The following FBP2 variants were observed in gnomAD, a reference collection of about 807,000 sequenced individuals.
FBP2 encodes fructose-1,6-bisphosphatase isozyme 2.
FBP2 carries 27 observed loss-of-function variants against 31.6 expected under a neutral mutation model. The ratio of observed to expected loss-of-function variants is 0.85; its 90% CI spans 0.63 to 1.18. FBP2 has a LOEUF of 1.18. Ranked by LOEUF, FBP2 falls within the 50% of genes most tolerant of loss-of-function variation. The pLI is 0.00. For synonymous variants in FBP2, 168 were observed against 179.8 expected (o/e 0.93, Z 0.53); for missense variants, 421 against 436.1 (o/e 0.97, Z 0.31).
rs542728090 is a variant in FBP2, at chr9:94,564,151, A to G, written c.706-690T>C. ...AATGGATCTGTTAGACATCTATAGAACTCTCCACCCAAAACCAGAAAAATA... is the reference window on the plus strand; with the variant it reads ...AATGGATCTGTTAGACATCTATAGAGCTCTCCACCCAAAACCAGAAAAATA... On this transcript the variant is annotated intron_variant, in intron 5 of 6. Coordinates refer to ENST00000375337, the MANE Select transcript of FBP2 (RefSeq NM_003837.4). Among the ~76,000 whole-genome samples, 11 of 152,248 alleles carry G rather than the reference A, an allele frequency of 7.2e-5. No homozygotes were observed. In the South Asian group the frequency reaches 1.7e-3, roughly 23 times the overall value.
chr9:94,574,459 G>A (rs1190628871), intron 3 of FBP2, among the ~76,000 whole-genome samples: 1 of 151,954 alleles, frequency 6.6e-6, no homozygotes, highest in African/African-American at 2.4e-5. Flanking sequence ...TATTTTGTAA[G>A]TTGTCTCTTT....
chr9:94,591,490 G>A (rs530067413), intron 1 of FBP2, among the ~76,000 whole-genome samples: 2 of 152,202 alleles, frequency 1.3e-5, no homozygotes, highest in South Asian at 2.1e-4. Flanking sequence ...GCCCGCAAGC[G>A]CCGCACGCAG....
intron 3 of FBP2, among the ~76,000 whole-genome samples, chr9:94,579,000 C>T (rs1425393950): frequency 1.1e-4 from 14 of 122,252 alleles, no homozygotes; most frequent in Non-Finnish European, 1.7e-4. Flanking sequence ...TTGCAGTGAG[C>T]GGAGCTTGCA....
intron 1 of FBP2, among the ~76,000 whole-genome samples, chr9:94,588,353 G>T (rs754686098): frequency 6.6e-6 from 1 of 152,120 alleles, no homozygotes; most frequent in Non-Finnish European, 1.5e-5. Flanking sequence ...CAGGGCCAGG[G>T]CCTCGTGCCT....
chr9:94,589,303 C>T (rs1827465058), intron 1 of FBP2, among the ~76,000 whole-genome samples: 1 of 152,192 alleles, frequency 6.6e-6, no homozygotes, highest in Non-Finnish European at 1.5e-5. Flanking sequence ...AATGGTGTTC[C>T]CACCACAGCA....
chr9:94,591,482 C>G (rs1231433358), intron 1 of FBP2, among the ~76,000 whole-genome samples: 1 of 152,222 alleles, frequency 6.6e-6, no homozygotes, highest in East Asian at 1.9e-4. Context: ...TCCAGCTGGC[C>G]CGCAAGCGCC....
Position 94,558,882 on chromosome 9 carries a change from A to G in FBP2, c.*56T>C, listed in dbSNP as rs1420692074. On this transcript the variant is annotated 3_prime_UTR_variant, in exon 7 of 7. Coordinates refer to ENST00000375337, the MANE Select transcript of FBP2 (RefSeq NM_003837.4). Reference sequence around the variant, plus strand: ...TACCATCTCTGTTTATCGTTCATTTAGGGTCCTTAGACAAGGTGCAAGACA... The same window carrying G: ...TACCATCTCTGTTTATCGTTCATTTGGGGTCCTTAGACAAGGTGCAAGACA... 3 of 1,504,296 alleles carry G rather than the reference A, an allele frequency of 2.0e-6. No homozygotes were observed. Among genetic ancestry groups the G allele is most frequent in the Non-Finnish European group, 2.8e-6 (3 of 1,081,590 alleles). 93.2% of individuals were successfully genotyped at this position (1,504,296 alleles called of 1,614,324 possible).
At chr9:94,593,389 G>A (rs1205628871) in intron 1 of FBP2, among the ~76,000 whole-genome samples, 168 bp downstream of exon 1, 3 of 152,118 alleles carry the variant, frequency 2.0e-5, no homozygotes, top group East Asian at 3.9e-4. Context: ...CAAGTCAAAG[G>A]CCCCTTTATC....
intron 5 of FBP2, among the ~76,000 whole-genome samples, chr9:94,566,152 T>A (rs10821370): frequency 0.36 from 55,332 of 152,206 alleles, 11,432 homozygotes; most frequent in Admixed American, 0.48. Context: ...TGACTTCTTT[T>A]TGTTTCCTAA....
intron 6 of FBP2, among the ~76,000 whole-genome samples, chr9:94,560,881 G>C (rs1307420086): frequency 3.3e-5 from 5 of 150,436 alleles, no homozygotes; most frequent in Non-Finnish European, 7.4e-5. Flanking sequence ...GACTCCATGG[G>C]GGTATTTACT....
At chr9:94,563,154 G>A (rs1013390689) in intron 6 of FBP2, among the ~76,000 whole-genome samples, 188 bp downstream of exon 6, 11 of 152,136 alleles carry the variant, frequency 7.2e-5, no homozygotes, top group African/African-American at 2.4e-4. Context: ...TCAGCCTGTC[G>A]CCTTCTTCTT....
chr9:94,588,787 G>A (rs1827458803), intron 1 of FBP2, among the ~76,000 whole-genome samples: 1 of 152,132 alleles, frequency 6.6e-6, no homozygotes, highest in Non-Finnish European at 1.5e-5. Context: ...GCAAGTGGGT[G>A]TCAGGCACCA....
intron 5 of FBP2, 97 bp downstream of exon 5, chr9:94,567,173 A>C: frequency 7.8e-7 from 1 of 1,274,480 alleles, no homozygotes. Context: ...AAACAGTGGC[A>C]CCAACCTCTT....
chr9:94,571,253 G>A (rs918265251), intron 4 of FBP2, among the ~76,000 whole-genome samples: 11 of 152,160 alleles, frequency 7.2e-5, no homozygotes, highest in African/African-American at 2.4e-4. Context: ...TGGCTCTGCA[G>A]GACACTCCTC....
At chr9:94,564,134 T>C (rs1486614370) in intron 5 of FBP2, among the ~76,000 whole-genome samples, 1 of 152,206 alleles carries the variant, frequency 6.6e-6, no homozygotes, top group Non-Finnish European at 1.5e-5. Context: ...CAAATGGATC[T>C]GTTAGACATC....
chr9:94,564,859 T>G (rs1355182356), intron 5 of FBP2, among the ~76,000 whole-genome samples: 1 of 152,178 alleles, frequency 6.6e-6, no homozygotes, highest in Non-Finnish European at 1.5e-5. Context: ...GAATATGTTA[T>G]AGTGTTCTGA....
chr9:94,591,102 G>A (rs968886861), intron 1 of FBP2, among the ~76,000 whole-genome samples: 67 of 152,384 alleles, frequency 4.4e-4, no homozygotes, highest in African/African-American at 1.6e-3. Context: ...CCGCACCGGG[G>A]CTGCAGGTGG....
At chr9:94,563,671 G>C (rs904725405) in intron 5 of FBP2, among the ~76,000 whole-genome samples, 3 of 152,082 alleles carry the variant, frequency 2.0e-5, no homozygotes. Context: ...CTTAACAAAT[G>C]CAGGACTGCT....
intron 2 of FBP2, among the ~76,000 whole-genome samples, chr9:94,586,202 C>T (rs1361794237): frequency 1.3e-5 from 2 of 152,018 alleles, no homozygotes; most frequent in Non-Finnish European, 2.9e-5. Context: ...TGGCGAAACC[C>T]CGTCTCTACT....
Sources: gnomAD v4.1 joint callset for allele counts (sites outside exome capture counted in the v4.1 genomes callset) on GRCh38, gnomAD v4.1.1 for gene constraint, MANE v1.5 for transcripts, NCBI Gene and HGNC (gene_info 2026-07-23, HGNC 2026-07-21) for gene names.